Variants in LBH observed in about 807,000 individuals in gnomAD.
LBH encodes the protein LBH regulator of Wnt signaling pathway, also known as protein LBH.
LBH carries 7 observed loss-of-function variants against 12.5 expected under a neutral mutation model. The observed-to-expected ratio is 0.56, with a 90% CI of 0.32 to 1.05. The LOEUF (loss-of-function observed/expected upper bound fraction) is 1.05, where lower values mean the gene tolerates loss of function less well. LBH is among the 50% of genes least tolerant of loss of function. LBH has a pLI of 0.04. For missense variants in LBH, 119 were observed against 138.9 expected (o/e 0.86, Z 0.72); for synonymous variants, 51 against 50.1 (o/e 1.02, Z -0.08).
In LBH at chr2:30,231,652, G is replaced by A; in HGVS notation, c.-87G>A. On this transcript the variant is annotated 5_prime_UTR_variant, in exon 1 of 3. Coordinates refer to ENST00000395323, the MANE Select transcript of LBH (RefSeq NM_030915.4). ...GTGTCCGCACTCGGCCGCCTGCCGTGCCCGTCTGCGCCCGTGTCATCCTCA... is the reference window on the plus strand; with the variant it reads ...GTGTCCGCACTCGGCCGCCTGCCGTACCCGTCTGCGCCCGTGTCATCCTCA... The A allele has an allele frequency of 7.3e-7, 1 of 1,361,370 alleles. No individual in the cohort carries two copies. The highest frequency in any genetic ancestry group is 1.0e-6 in the Non-Finnish European group (1 of 963,206). The allele number at this position is 1,361,370 out of a possible 1,614,324, so 84.3% of individuals were successfully genotyped here. A position where few individuals can be genotyped will look rare whatever the true frequency, so the allele number is the denominator to read the frequency against.
At position 30,231,617 on chromosome 2, in the gene LBH, C is replaced by T. The variant is rs1677585590; in HGVS notation, c.-122C>T. 3 of 952,116 alleles carry T rather than the reference C, an allele frequency of 3.2e-6. No homozygotes were observed. The highest frequency in any genetic ancestry group is 5.0e-6 in the Non-Finnish European group (3 of 602,606). 59.0% of individuals were successfully genotyped at this position (952,116 alleles called of 1,614,324 possible). On this transcript the variant is annotated 5_prime_UTR_variant, in exon 1 of 3. Coordinates refer to ENST00000395323, the MANE Select transcript of LBH (RefSeq NM_030915.4). The stretch of plus-strand genomic sequence containing the variant: ...GGGGCTGTCCTGGGAAGGCGGACGG[C>T]GAGCGCCCGGTGTCCGCACTCGGCC...
chr2:30,253,041 C>G (rs1678012948), intron 2 of LBH, among the ~76,000 whole-genome samples: 1 of 152,154 alleles, frequency 6.6e-6, no homozygotes, highest in South Asian at 2.1e-4. Flanking sequence ...AGGGGCAGTT[C>G]TTTACTCCCT....
chr2:30,239,349 C>G (rs2103557368), intron 2 of LBH, among the ~76,000 whole-genome samples: 1 of 152,278 alleles, frequency 6.6e-6, no homozygotes, highest in Middle Eastern at 3.4e-3. Context: ...TGTCCCCCAC[C>G]AGCTCACGAG....
At chr2:30,240,022 G>C (rs1253502426) in intron 2 of LBH, among the ~76,000 whole-genome samples, 1 of 152,170 alleles carries the variant, frequency 6.6e-6, no homozygotes, top group Non-Finnish European at 1.5e-5. Context: ...ATACATCCCG[G>C]CCTCCTCTCA....
In LBH at chr2:30,240,173, C is replaced by G. The variant is rs554837757; in HGVS notation, c.129+5666C>G. The stretch of plus-strand genomic sequence containing the variant: ...GTCCTACAAATAGTTGCTTAATGAG[C>G]CTGGATGATGGATTGGCCCTTCCTC... On this transcript the variant is annotated intron_variant, in intron 2 of 2. Transcript: ENST00000395323. Among the ~76,000 whole-genome samples the G allele has an allele frequency of 5.1e-4, 78 of 152,148 alleles. 1 individual carries two copies. The highest frequency in any genetic ancestry group is 7.4e-4 in the Non-Finnish European group (50 of 68,024).
intron 2 of LBH, among the ~76,000 whole-genome samples, chr2:30,239,392 G>T (rs1677747429): frequency 6.6e-6 from 1 of 152,074 alleles, no homozygotes; most frequent in African/African-American, 2.4e-5. Flanking sequence ...CACTCTATCC[G>T]CCTCCTCCTC....
intron 2 of LBH, among the ~76,000 whole-genome samples, chr2:30,242,779 T>TG (rs1677812131): frequency 6.6e-6 from 1 of 152,238 alleles, no homozygotes; most frequent in Non-Finnish European, 1.5e-5. Context: ...AATTCTATTA[T>TG]GTAACATTTC....
chr2:30,232,233 CGGGGGGGTGGGGGGCGGGAA>C, intron 1 of LBH: 2 of 1,152,310 alleles, frequency 1.7e-6, no homozygotes, highest in Non-Finnish European at 2.2e-6. Flanking sequence ...TGCAGAGCTC[CGGGGGGGTGGGGGGCGGGAA>C]ACGCTCTCCC....
Position 30,239,282 on chromosome 2 carries a change from G to A in LBH, c.129+4775G>A, listed in dbSNP as rs1677745024. Among the ~76,000 whole-genome samples the A allele has an allele frequency of 3.9e-5, 6 of 152,190 alleles. 1 individual carries two copies. The South Asian group carries it at 8.3e-4, about 21-fold the overall frequency. ...TGCCGGTTCCACCTGGGTGGAATGC[G>A]TGTGTGGAAACAGGTGACGGGTTAA... On this transcript the variant is annotated intron_variant, in intron 2 of 2. Coordinates refer to ENST00000395323, the MANE Select transcript of LBH (RefSeq NM_030915.4).
chr2:30,254,812 C>G (rs1678051439), intron 2 of LBH, among the ~76,000 whole-genome samples: 1 of 152,210 alleles, frequency 6.6e-6, no homozygotes, highest in Non-Finnish European at 1.5e-5. Flanking sequence ...CAGGGCAGGT[C>G]CCCCTCTCCT....
intron 2 of LBH, among the ~76,000 whole-genome samples, chr2:30,239,907 C>T (rs896381465): frequency 2.0e-5 from 3 of 152,214 alleles, no homozygotes; most frequent in African/African-American, 7.2e-5. Flanking sequence ...GGGATTTCCT[C>T]CTGGGCCCCA....
intron 2 of LBH, among the ~76,000 whole-genome samples, chr2:30,241,680 C>G (rs913041386): frequency 6.6e-6 from 1 of 152,078 alleles, no homozygotes; most frequent in Non-Finnish European, 1.5e-5. Context: ...CCAGGCCGGT[C>G]TCAAATTCCT....
chr2:30,245,769 G>T (rs1030842361), intron 2 of LBH, among the ~76,000 whole-genome samples: 2 of 151,922 alleles, frequency 1.3e-5, no homozygotes, highest in African/African-American at 4.8e-5. Flanking sequence ...TTTAAAAGTC[G>T]AATAATGACA....
chr2:30,238,429 G>A (rs984616468), intron 2 of LBH, among the ~76,000 whole-genome samples: 2 of 152,100 alleles, frequency 1.3e-5, no homozygotes, highest in African/African-American at 4.8e-5. Context: ...TCCCTTCCTG[G>A]CTGCCCCTTG....
intron 2 of LBH, among the ~76,000 whole-genome samples, chr2:30,256,051 T>A (rs1678078298): frequency 6.6e-6 from 1 of 152,168 alleles, no homozygotes; most frequent in African/African-American, 2.4e-5. Context: ...AGACAGAGGC[T>A]TCTCTCTCTA....
chr2:30,242,851 T>A (rs1677813120), intron 2 of LBH, among the ~76,000 whole-genome samples: 1 of 152,230 alleles, frequency 6.6e-6, no homozygotes, highest in Non-Finnish European at 1.5e-5. Context: ...ATTCTGAACA[T>A]CATTTTACAG....
chr2:30,232,232 C>T (rs1214174273), intron 1 of LBH: 2 of 1,437,666 alleles, frequency 1.4e-6, no homozygotes, highest in Admixed American at 2.9e-5. Context: ...TTGCAGAGCT[C>T]CGGGGGGGTG....
intron 2 of LBH, among the ~76,000 whole-genome samples, chr2:30,236,865 G>A (rs1259320994): frequency 6.6e-6 from 1 of 152,370 alleles, no homozygotes; most frequent in East Asian, 1.9e-4. Context: ...TTAGGACTTT[G>A]AGAGGGCAGT....
chr2:30,257,366 A>G (rs1678103380), intron 2 of LBH, 67 bp from the exon 3 acceptor site: 1 of 1,569,178 alleles, frequency 6.4e-7, no homozygotes, highest in Non-Finnish European at 8.7e-7. Context: ...TGGATGTGCA[A>G]AGAAGGAATG....
Sources: gnomAD v4.1 joint callset for allele counts (sites outside exome capture counted in the v4.1 genomes callset) on GRCh38, gnomAD v4.1.1 for gene constraint, MANE v1.5 for transcripts, NCBI Gene and HGNC (gene_info 2026-07-23, HGNC 2026-07-21) for gene names.